TBC1D21: variants seen among roughly 807,000 people sequenced by gnomAD.
TBC1D21 encodes TBC1 domain family member 21.
In TBC1D21, 38 loss-of-function variants were observed where a neutral mutation model predicts 46.0. The ratio of observed to expected loss-of-function variants is 0.83; its 90% CI spans 0.64 to 1.08. TBC1D21 has a LOEUF of 1.08. Among genes scored for constraint, TBC1D21 ranks in the 50% least tolerant of loss-of-function variants. The pLI is 0.00. For synonymous variants in TBC1D21, 151 were observed against 157.2 expected (o/e 0.96, Z 0.29); for missense variants, 415 against 417.9 (o/e 0.99, Z 0.06).
chr15:73,880,315 C>CACAG (rs1197664910), intron 1 of TBC1D21, among the ~76,000 whole-genome samples: 1 of 151,550 alleles, frequency 6.6e-6, no homozygotes, highest in Non-Finnish European at 1.5e-5. Flanking sequence ...CACACACACA[C>CACAG]ACACACACAC....
At chr15:73,887,539 TG>T in intron 8 of TBC1D21, 80 bp from the exon 9 acceptor site, 1 of 1,197,660 alleles carries the variant, frequency 8.3e-7, no homozygotes, top group Non-Finnish European at 1.2e-6. Flanking sequence ...TCCAGGCACG[TG>T]GTTGGTGGGT....
Position 73,884,763 on chromosome 15 carries a change from C to A in TBC1D21, c.368-18C>A. 1.3e-6 allele frequency: 2 copies of A among 1,595,438 alleles called. No homozygotes were observed. Among genetic ancestry groups the A allele is most frequent in the Non-Finnish European group, 1.7e-6 (2 of 1,163,652 alleles). ...ATGTGATCTGGTGCCACCTACTTGC[C>A]CCTTGCTTCCAACCTAGCACGTGAC... On this transcript the variant is annotated intron_variant, in intron 4 of 10. Transcript: ENST00000300504.
the TBC1D21 span, among the ~76,000 whole-genome samples, chr15:73,898,725 G>A: frequency 4.0e-5 from 6 of 151,010 alleles, no homozygotes; most frequent in South Asian, 2.1e-4. Flanking sequence ...TTAGCCAGGC[G>A]TGGTGGCATG....
chr15:73,888,049 T>G (rs2068282886), intron 9 of TBC1D21, among the ~76,000 whole-genome samples: 1 of 152,198 alleles, frequency 6.6e-6, no homozygotes, highest in South Asian at 2.1e-4. Context: ...CAGTTAACCC[T>G]GTGGCCCTAG....
chr15:73,881,714 A>T lies in TBC1D21; in HGVS notation c.239A>T (p.Gln80Leu). The T allele has an allele frequency of 6.2e-7, 1 of 1,613,396 alleles. No individual in the cohort carries two copies. The stretch of plus-strand genomic sequence containing the variant: ...GGCTACTTCTCATGGCAGAGTTCCC[A>T]GGATGAGCGGCTCACGGTGGACAGC... ...LTGYFSWQSS[Q>L]DERLTVDSMR... Residue 80 changes from glutamine to leucine, a missense_variant, in exon 3 of 11, where the codon CAG becomes CTG. By Grantham distance (113) the Gln-to-Leu change is moderately radical. Transcript: ENST00000300504.
chr15:73,906,085 T>C, the TBC1D21 span, among the ~76,000 whole-genome samples: 2 of 152,230 alleles, frequency 1.3e-5, no homozygotes, highest in African/African-American at 2.4e-5. Context: ...TTCAGTTTCA[T>C]GTCCCGTTTT....
At chr15:73,885,146 C>T (rs370049070) in intron 6 of TBC1D21, 43 bp downstream of exon 6, 7 of 1,534,210 alleles carry the variant, frequency 4.6e-6, no homozygotes, top group Non-Finnish European at 4.5e-6. Context: ...TCCCCAACCC[C>T]CCACTACTCC....
chr15:73,898,902 T>TATATATATATATATACAC, the TBC1D21 span, among the ~76,000 whole-genome samples: 2 of 112,872 alleles, frequency 1.8e-5, no homozygotes, highest in Non-Finnish European at 3.6e-5. Flanking sequence ...TATATATATA[T>TATATATATATATATACAC]ACACACACAC....
intron 1 of TBC1D21, among the ~76,000 whole-genome samples, chr15:73,879,673 G>A (rs377160697): frequency 1.3e-5 from 2 of 152,166 alleles, no homozygotes; most frequent in Admixed American, 1.3e-4. Context: ...TGATTTGTAC[G>A]CCAATTTAAT....
chr15:73,907,729 T>G, the TBC1D21 span, among the ~76,000 whole-genome samples: 1 of 152,360 alleles, frequency 6.6e-6, no homozygotes, highest in African/African-American at 2.4e-5. Context: ...GTTTTCTTTC[T>G]CTTTTACTTT....
chr15:73,881,531 C>T lies in TBC1D21; in HGVS notation c.168+25C>T, dbSNP rs758743741. 16 of 1,610,100 alleles carry T rather than the reference C, an allele frequency of 9.9e-6. No individual in the cohort carries two copies. The South Asian group carries it at 1.4e-4, about 14-fold the overall frequency. On this transcript the variant is annotated intron_variant, in intron 2 of 10. Coordinates refer to ENST00000300504, the MANE Select transcript of TBC1D21 (RefSeq NM_153356.3). Reference sequence around the variant, plus strand: ...GGTGGGTCCCCAAGCTACCCTTGGCCTTGCCCTGGAACTGGGAGCATGGAT... The same window carrying T: ...GGTGGGTCCCCAAGCTACCCTTGGCTTTGCCCTGGAACTGGGAGCATGGAT...
chr15:73,894,784 C>A, the TBC1D21 span, among the ~76,000 whole-genome samples: 4 of 152,282 alleles, frequency 2.6e-5, no homozygotes, highest in African/African-American at 9.6e-5. Context: ...TGGCAGAGAC[C>A]CCCTGGATGG....
downstream of TBC1D21, among the ~76,000 whole-genome samples, chr15:73,891,978 G>A (rs2068341000): frequency 6.6e-6 from 1 of 152,250 alleles, no homozygotes; most frequent in African/African-American, 2.4e-5. Flanking sequence ...CCCACCTTCA[G>A]GCCAGGGACA....
At chr15:73,896,929 T>C in the TBC1D21 span, among the ~76,000 whole-genome samples, 7 of 152,296 alleles carry the variant, frequency 4.6e-5, no homozygotes, top group African/African-American at 1.7e-4. Context: ...GGGGCTGCCA[T>C]ATGTGTGTGG....
intron 9 of TBC1D21, among the ~76,000 whole-genome samples, 158 bp from the exon 10 acceptor site, chr15:73,888,272 T>C (rs1340533348): frequency 3.3e-5 from 5 of 152,188 alleles, no homozygotes; most frequent in Admixed American, 6.5e-5. Context: ...ATTTTAGGCA[T>C]TGAGCCAAGC....
intron 1 of TBC1D21, among the ~76,000 whole-genome samples, chr15:73,877,705 A>T (rs926804476): frequency 2.0e-5 from 3 of 152,222 alleles, no homozygotes; most frequent in Admixed American, 6.5e-5. Flanking sequence ...ATGTATAAAA[A>T]GCATAGTATA....
intron 3 of TBC1D21, among the ~76,000 whole-genome samples, chr15:73,881,993 C>A (rs369260932): frequency 2.0e-5 from 3 of 152,118 alleles, no homozygotes; most frequent in Non-Finnish European, 4.4e-5. Context: ...ACTCCTCTTA[C>A]CCCTGGGCCC....
At chr15:73,908,035 GC>G in the TBC1D21 span, 178 of 152,292 alleles carry the variant, frequency 1.2e-3, no homozygotes, top group African/African-American at 4.2e-3. Context: ...TATAATGCCT[GC>G]CCCCAGAAAG....
At chr15:73,898,880 A>AAAAAAAAAAAAAAAAAAT in the TBC1D21 span, among the ~76,000 whole-genome samples, 3 of 56,802 alleles carry the variant, frequency 5.3e-5, no homozygotes, top group Non-Finnish European at 7.6e-5. Flanking sequence ...AAAAAAAAAA[A>AAAAAAAAAAAAAAAAAAT]ATATATATAT....
Sources: allele counts gnomAD v4.1 joint callset (sites outside exome capture counted in the v4.1 genomes callset), GRCh38; gene constraint gnomAD v4.1.1; transcripts MANE v1.5; gene names NCBI Gene and HGNC (gene_info 2026-07-23, HGNC 2026-07-21).